Variants in SCN9A observed in about 807,000 individuals in gnomAD.
SCN9A encodes the protein sodium voltage-gated channel alpha subunit 9.
SCN9A carries 131 observed loss-of-function variants against 187.0 expected under a neutral mutation model. The ratio of observed to expected loss-of-function variants is 0.70; its 90% confidence interval spans 0.61 to 0.81. The LOEUF is 0.81. Among genes scored for constraint, SCN9A ranks in the 30% least tolerant of loss-of-function variants. The pLI is 0.00. For missense variants in SCN9A, 2,252 were observed against 2,396.6 expected (o/e 0.94, Z 1.26); for synonymous variants, 809 against 808.6 (o/e 1.00, Z -0.01).
At chr2:166,211,563 ATAAT>A (rs1227596943) in intron 24 of SCN9A, among the ~76,000 whole-genome samples, 6 of 151,948 alleles carry the variant, frequency 3.9e-5, no homozygotes, top group Admixed American at 6.6e-5. Flanking sequence ...AAATGTCAAA[ATAAT>A]TAAGAATAAC....
At chr2:166,258,912 AG>A (rs1330412164) in intron 17 of SCN9A, among the ~76,000 whole-genome samples, 1 of 151,764 alleles carries the variant, frequency 6.6e-6, no homozygotes, top group Non-Finnish European at 1.5e-5. Context: ...AATTAAATGT[AG>A]CTTCAATGGC....
intron 1 of SCN9A, among the ~76,000 whole-genome samples, chr2:166,360,219 C>CAAAAAAAAAA (rs1251018524): frequency 8.3e-5 from 2 of 24,038 alleles, no homozygotes; most frequent in African/African-American, 2.5e-4. Context: ...AACTCTGTCT[C>CAAAAAAAAAA]AAAAAAAAAA....
chr2:166,256,232 G>A (rs1696268675), intron 17 of SCN9A, among the ~76,000 whole-genome samples: 1 of 151,156 alleles, frequency 6.6e-6, no homozygotes, highest in South Asian at 2.1e-4. Context: ...TTTTAAAATT[G>A]GAGGTCATTA....
At chr2:166,272,321 G>A (rs1011815988) in intron 17 of SCN9A, 78 bp downstream of exon 17, 1 of 964,286 alleles carries the variant, frequency 1.0e-6, no homozygotes, top group African/African-American at 1.7e-5. Flanking sequence ...AAGAACTTAT[G>A]ACAATAGAAA....
chr2:166,333,294 T>C (rs1699551157), intron 1 of SCN9A, among the ~76,000 whole-genome samples: 1 of 152,152 alleles, frequency 6.6e-6, no homozygotes, highest in Non-Finnish European at 1.5e-5. Flanking sequence ...AAATGATCAG[T>C]ATGTAAATTA....
chr2:166,247,582 T>C (rs1325683862), intron 18 of SCN9A, among the ~76,000 whole-genome samples: 2 of 152,020 alleles, frequency 1.3e-5, no homozygotes, highest in Admixed American at 6.6e-5. Context: ...AGTAGCAGGA[T>C]CTCAGCTCAC....
rs183524934 is a variant in SCN9A at position 166,267,048 on chromosome 2, T to C, written c.3351+5351A>G. ...TTCCAATTTAAATGTCCTTTATTTC[T>C]TTCTCTTGCCTGATTGCTCTGGCTA... On this transcript the variant is annotated intron_variant, in intron 17 of 26. Transcript: ENST00000642356. 1.7e-3 allele frequency among the ~76,000 whole-genome samples: 259 copies of C among 152,090 alleles called. 1 individual carries two copies. The highest frequency in any genetic ancestry group is 6.0e-3 in the African/African-American group (249 of 41,530).
chr2:166,307,741 T>C (rs778333649), intron 2 of SCN9A, among the ~76,000 whole-genome samples: 1 of 152,222 alleles, frequency 6.6e-6, no homozygotes, highest in Non-Finnish European at 1.5e-5. Context: ...TGAAATGTTA[T>C]TGTAGCCATT....
Position 166,199,819 on chromosome 2 carries a change from G to A in SCN9A, c.4820C>T (p.Thr1607Ile), listed in dbSNP as rs200470541. 211 of 1,613,796 alleles carry A rather than the reference G, an allele frequency of 1.3e-4. No homozygotes were observed. The highest frequency in any genetic ancestry group is 1.7e-4 in the Non-Finnish European group (199 of 1,179,970). Residue 1607 changes from threonine to isoleucine, a missense_variant, in exon 27 of 27, where the codon ACC (threonine) becomes ATC (isoleucine). Thr to Ile is a moderately conservative substitution (Grantham distance 89). Around this residue, in one of 7 missense-constraint regions of SCN9A, gnomAD observed 84 missense variants for 134.2 expected, o/e 0.63. Coordinates refer to ENST00000642356, the MANE Select transcript of SCN9A (RefSeq NM_001365536.1). The part of the protein sequence containing the change: ...DLIETYFVSP[T>I]LFRVIRLARI... ...GGCAAGACGGATCACTCGGAACAGG[G>A]TAGGGGACACAAAATACGTTTCAAT... is the stretch of plus-strand genomic sequence containing the variant.
At chr2:166,212,235 T>C (rs1157363133) in intron 24 of SCN9A, among the ~76,000 whole-genome samples, 2 of 152,146 alleles carry the variant, frequency 1.3e-5, no homozygotes, top group African/African-American at 4.8e-5. Flanking sequence ...ATAAAAAAAT[T>C]TGACCCTCTG....
chr2:166,206,606 T>C (rs1047935065), intron 24 of SCN9A, among the ~76,000 whole-genome samples: 4 of 152,172 alleles, frequency 2.6e-5, no homozygotes, highest in African/African-American at 9.7e-5. Context: ...GGTACATGTA[T>C]ACCTATGTAA....
At chr2:166,364,216 T>C (rs1353968931) in intron 1 of SCN9A, among the ~76,000 whole-genome samples, 1 of 151,698 alleles carries the variant, frequency 6.6e-6, no homozygotes, top group African/African-American at 2.4e-5. Flanking sequence ...TTGTAACCCT[T>C]GTGCATTGCT....
chr2:166,345,120 T>C (rs1286351593), intron 1 of SCN9A, among the ~76,000 whole-genome samples: 2 of 152,114 alleles, frequency 1.3e-5, no homozygotes, highest in South Asian at 4.1e-4. Flanking sequence ...TCTTTAACTA[T>C]CATCCATGTG....
chr2:166,304,695 C>T (rs1375684256), intron 5 of SCN9A, among the ~76,000 whole-genome samples: 1 of 151,812 alleles, frequency 6.6e-6, no homozygotes, highest in East Asian at 1.9e-4. Flanking sequence ...TATTTCCATT[C>T]ATAAAAAAAT....
intron 1 of SCN9A, among the ~76,000 whole-genome samples, chr2:166,329,666 G>T (rs1248551799): frequency 6.6e-6 from 1 of 151,986 alleles, no homozygotes; most frequent in African/African-American, 2.4e-5. Context: ...CTTGATCCTT[G>T]TCCTCTAGGG....
intron 17 of SCN9A, among the ~76,000 whole-genome samples, chr2:166,266,138 T>G (rs1182430789): frequency 6.6e-6 from 1 of 151,822 alleles, no homozygotes; most frequent in Admixed American, 6.6e-5. Context: ...AATCCTTGCC[T>G]AGAACAACAT....
intron 12 of SCN9A, among the ~76,000 whole-genome samples, chr2:166,282,944 G>A (rs1290747613): frequency 6.6e-6 from 1 of 152,124 alleles, no homozygotes; most frequent in African/African-American, 2.4e-5. Context: ...GTATAGAGAT[G>A]ACGTTATTAG....
chr2:166,290,722 G>T (rs1331682219), intron 9 of SCN9A, among the ~76,000 whole-genome samples: 1 of 152,014 alleles, frequency 6.6e-6, no homozygotes, highest in Non-Finnish European at 1.5e-5. Context: ...CTTTTGAGAA[G>T]TCTCTGTTCA....
At chr2:166,328,246 T>C (rs1699412213) in intron 1 of SCN9A, among the ~76,000 whole-genome samples, 1 of 151,072 alleles carries the variant, frequency 6.6e-6, no homozygotes, top group Admixed American at 6.6e-5. Context: ...TTTTAGGATA[T>C]ATGCATTTTT....
Sources: gnomAD v4.1 joint callset for allele counts (sites outside exome capture counted in the v4.1 genomes callset) on GRCh38, gnomAD v4.1.1 for gene constraint, gnomAD v4.1.1 regional missense constraint, MANE v1.5 for transcripts, NCBI Gene and HGNC (gene_info 2026-07-23, HGNC 2026-07-21) for gene names.